CNTN4: variants seen among roughly 807,000 people sequenced by gnomAD.
CNTN4 encodes contactin 4, also known as contactin-4.
CNTN4 carries 77 observed loss-of-function variants against 122.5 expected under a neutral mutation model. The ratio of observed to expected loss-of-function variants is 0.63; its 90% CI spans 0.52 to 0.76. The LOEUF (loss-of-function observed/expected upper bound fraction) is 0.76, where lower values mean the gene tolerates loss of function less well. Among genes scored for constraint, CNTN4 ranks in the 30% least tolerant of loss-of-function variants. The pLI, the probability that CNTN4 is intolerant of heterozygous loss-of-function variation, is 0.00. For synonymous variants in CNTN4, 512 were observed against 447.0 expected (o/e 1.15, Z -1.83); for missense variants, 1,256 against 1,259.1 (o/e 1.00, Z 0.04).
chr3:2,927,374 C>T (rs1559677909), intron 13 of CNTN4: 2 of 451,734 alleles, frequency 4.4e-6, no homozygotes, highest in South Asian at 3.2e-5. Context: ...TGGACGTTGC[C>T]ATTGCAGAAG....
At chr3:2,540,721 A>G (rs1000994440) in intron 3 of CNTN4, among the ~76,000 whole-genome samples, 2 of 152,144 alleles carry the variant, frequency 1.3e-5, no homozygotes, top group Non-Finnish European at 1.5e-5. Flanking sequence ...TCCAATTACA[A>G]GGAAAAGTAC....
intron 2 of CNTN4, among the ~76,000 whole-genome samples, chr3:2,217,998 G>T (rs2149475740): frequency 6.6e-6 from 1 of 152,300 alleles, no homozygotes; most frequent in South Asian, 2.1e-4. Flanking sequence ...TGAAAAATTG[G>T]AAGGCTGGTA....
intron 2 of CNTN4, among the ~76,000 whole-genome samples, chr3:2,209,756 A>G (rs2038524889): frequency 6.6e-6 from 1 of 152,164 alleles, no homozygotes; most frequent in African/African-American, 2.4e-5. Context: ...AATAAGTACA[A>G]CTTCTGGGGA....
intron 10 of CNTN4, 74 bp downstream of exon 10, chr3:2,887,298 C>T: frequency 7.3e-7 from 1 of 1,377,524 alleles, no homozygotes; most frequent in Non-Finnish European, 1.0e-6. Context: ...AGCTGAGAGG[C>T]ATTCAGGCAT....
At chr3:2,934,563 A>G (rs144052477) in intron 13 of CNTN4, among the ~76,000 whole-genome samples, 1 of 152,356 alleles carries the variant, frequency 6.6e-6, no homozygotes, top group East Asian at 1.9e-4. Context: ...CAGAAGGCCG[A>G]TGGAATCCTG....
chr3:2,838,427 G>A (rs1328795551), intron 7 of CNTN4, among the ~76,000 whole-genome samples: 2 of 152,012 alleles, frequency 1.3e-5, no homozygotes, highest in Admixed American at 1.3e-4. Flanking sequence ...TAGAAGCTGG[G>A]AAGCATTCCA....
At chr3:2,418,476 C>T (rs1031514400) in intron 3 of CNTN4, among the ~76,000 whole-genome samples, 7 of 152,142 alleles carry the variant, frequency 4.6e-5, no homozygotes, top group African/African-American at 1.7e-4. Context: ...TCATTAGATA[C>T]TCAATCATTA....
At chr3:2,933,049 C>T (rs1028084135) in intron 13 of CNTN4, among the ~76,000 whole-genome samples, 20 of 152,032 alleles carry the variant, frequency 1.3e-4, no homozygotes, top group Non-Finnish European at 2.5e-4. Context: ...GTCTCGATCT[C>T]CTGACCTCGT....
chr3:2,553,804 TCACTCTTTTC>T (rs2078612332), intron 3 of CNTN4, among the ~76,000 whole-genome samples: 1 of 152,214 alleles, frequency 6.6e-6, no homozygotes, highest in East Asian at 1.9e-4. Flanking sequence ...TCTTTTCATT[TCACTCTTTTC>T]TATTAAACTA....
chr3:2,720,531 A>T (rs1185269725), intron 4 of CNTN4, among the ~76,000 whole-genome samples: 1 of 152,128 alleles, frequency 6.6e-6, no homozygotes, highest in African/African-American at 2.4e-5. Flanking sequence ...GTGCTTGCTC[A>T]CTTTATTACT....
chr3:2,729,078 T>TAA lies in CNTN4; in HGVS notation c.56-7137_56-7136insAA, dbSNP rs2088446138. 1.3e-5 allele frequency among the ~76,000 whole-genome samples: 2 copies of TAA among 152,156 alleles called. 1 individual carries two copies. Among genetic ancestry groups the TAA allele is most frequent in the Admixed American group, 1.3e-4 (2 of 15,286 alleles). The stretch of plus-strand genomic sequence containing the variant: ...TCTAAGATGAAATCATAATATTGCA[T>TAA]TTTTGTTCTTTCCCAACAGAGTCAG... On this transcript the variant is annotated intron_variant, in intron 4 of 24. Coordinates refer to ENST00000418658, the MANE Select transcript of CNTN4 (RefSeq NM_175607.3).
chr3:2,763,821 A>G (rs2090712211), intron 6 of CNTN4, among the ~76,000 whole-genome samples: 1 of 151,966 alleles, frequency 6.6e-6, no homozygotes, highest in East Asian at 1.9e-4. Flanking sequence ...TGGGTTCTCT[A>G]TTCTGTTCCA....
chr3:2,164,493 C>T (rs767484691), intron 2 of CNTN4, among the ~76,000 whole-genome samples: 1 of 152,062 alleles, frequency 6.6e-6, no homozygotes, highest in Non-Finnish European at 1.5e-5. Context: ...TAAGCCAAAC[C>T]TAATTCTTCA....
chr3:2,555,444 C>G (rs898746210), intron 3 of CNTN4, among the ~76,000 whole-genome samples: 1 of 152,182 alleles, frequency 6.6e-6, no homozygotes, highest in Non-Finnish European at 1.5e-5. Flanking sequence ...GTGTCTCTCC[C>G]TTTAGGGCAT....
chr3:2,244,193 T>A (rs1003978950), intron 2 of CNTN4, among the ~76,000 whole-genome samples: 1 of 149,656 alleles, frequency 6.7e-6, no homozygotes, highest in African/African-American at 2.4e-5. Context: ...AATAGAACAG[T>A]TATAACATCA....
intron 2 of CNTN4, among the ~76,000 whole-genome samples, chr3:2,257,145 C>G (rs2040628994): frequency 1.3e-5 from 2 of 152,246 alleles, no homozygotes; most frequent in South Asian, 4.1e-4. Flanking sequence ...CACATCTACA[C>G]CCATCTGATC....
At chr3:2,504,552 T>C (rs1365271942) in intron 3 of CNTN4, among the ~76,000 whole-genome samples, 1 of 152,170 alleles carries the variant, frequency 6.6e-6, no homozygotes, top group East Asian at 1.9e-4. Flanking sequence ...ACCATTCTTA[T>C]AACAAATGAC....
chr3:2,929,596 A>C (rs562371061), intron 13 of CNTN4, among the ~76,000 whole-genome samples: 1 of 152,184 alleles, frequency 6.6e-6, no homozygotes, highest in African/African-American at 2.4e-5. Context: ...TTAGGTGCTC[A>C]CACAGTATCA....
intron 3 of CNTN4, among the ~76,000 whole-genome samples, chr3:2,366,722 G>C (rs1005894372): frequency 1.3e-5 from 2 of 149,550 alleles, no homozygotes; most frequent in Admixed American, 6.7e-5. Flanking sequence ...GCGAGACTCT[G>C]TCTCAAAAAA....
Sources: gnomAD v4.1 joint callset for allele counts (sites outside exome capture counted in the v4.1 genomes callset) on GRCh38, gnomAD v4.1.1 for gene constraint, MANE v1.5 for transcripts, NCBI Gene and HGNC (gene_info 2026-07-23, HGNC 2026-07-21) for gene names.